The following PARD3 variants were observed in gnomAD, a reference collection of about 807,000 sequenced individuals.
PARD3 encodes the protein partitioning defective 3 homolog.
In PARD3, 75 loss-of-function variants were observed where a neutral mutation model predicts 155.4. The observed-to-expected ratio is 0.48, with a 90% CI of 0.40 to 0.58. The LOEUF (loss-of-function observed/expected upper bound fraction) is 0.58. Ranked by LOEUF, PARD3 falls within the 20% of genes least tolerant of loss-of-function variation. The pLI is 0.00. For missense variants in PARD3, 1,642 were observed against 1,721.7 expected, an observed-to-expected ratio of 0.95 and a Z score of 0.82; for synonymous variants, 576 against 610.5, an observed-to-expected ratio of 0.94 and a Z score of 0.83.
At chr10:34,713,497 C>T (rs760170850) in intron 1 of PARD3, among the ~76,000 whole-genome samples, 5 of 151,972 alleles carry the variant, frequency 3.3e-5, no homozygotes, top group Non-Finnish European at 7.4e-5. Context: ...GTGGCTCACA[C>T]CTGTAATCCC....
intron 2 of PARD3, among the ~76,000 whole-genome samples, chr10:34,566,891 T>C (rs972810519): frequency 1.3e-5 from 2 of 152,228 alleles, no homozygotes; most frequent in African/African-American, 4.8e-5. Flanking sequence ...AACACTCTTT[T>C]TTTGAATGTA....
chr10:34,737,134 C>T (rs1259698691), intron 1 of PARD3, among the ~76,000 whole-genome samples: 3 of 152,118 alleles, frequency 2.0e-5, no homozygotes, highest in South Asian at 2.1e-4. Flanking sequence ...GAAAGGGGGA[C>T]GGAGAGAAGC....
intron 1 of PARD3, among the ~76,000 whole-genome samples, chr10:34,731,275 T>A (rs2094812414): frequency 6.6e-6 from 1 of 152,240 alleles, no homozygotes; most frequent in African/African-American, 2.4e-5. Context: ...AGAAAATGTA[T>A]TCTGATATGA....
At chr10:34,551,902 G>A (rs1432799062) in intron 2 of PARD3, among the ~76,000 whole-genome samples, 1 of 152,198 alleles carries the variant, frequency 6.6e-6, no homozygotes, top group African/African-American at 2.4e-5. Context: ...AAATCTCATA[G>A]ACTGGAGTAG....
chr10:34,151,586 T>C (rs1305075702), intron 22 of PARD3, among the ~76,000 whole-genome samples: 1 of 152,176 alleles, frequency 6.6e-6, no homozygotes. Context: ...ACACTCAAAT[T>C]CAATCCATAA....
At chr10:34,309,603 T>TG (rs1488934095) in intron 20 of PARD3, among the ~76,000 whole-genome samples, 6 of 128,364 alleles carry the variant, frequency 4.7e-5, no homozygotes, top group Non-Finnish European at 8.1e-5. Flanking sequence ...ATGGATCAGA[T>TG]GGATTTAGAA....
At chr10:34,239,286 C>T (rs146650616) in intron 22 of PARD3, among the ~76,000 whole-genome samples, 16 of 152,318 alleles carry the variant, frequency 1.1e-4, no homozygotes, top group Middle Eastern at 3.4e-3. Context: ...GAGAACAGCT[C>T]TAGGCACGGT....
At chr10:34,174,082 G>A (rs529960752) in intron 22 of PARD3, among the ~76,000 whole-genome samples, 8 of 152,258 alleles carry the variant, frequency 5.3e-5, no homozygotes, top group South Asian at 4.1e-4. Context: ...TGGATGGACC[G>A]TTAAACCTCT....
At chr10:34,641,320 C>T (rs189502067) in intron 2 of PARD3, among the ~76,000 whole-genome samples, 9 of 152,336 alleles carry the variant, frequency 5.9e-5, no homozygotes, top group South Asian at 2.1e-4. Context: ...TTCTCCCTCC[C>T]GGCACCTGCC....
chr10:34,170,398 C>T (rs748104), intron 22 of PARD3, among the ~76,000 whole-genome samples: 66,158 of 152,084 alleles, frequency 0.44, 14,966 homozygotes, highest in Non-Finnish European at 0.5. Flanking sequence ...TAGGAAACTT[C>T]TTCAGTCATG....
rs1481839074 is a variant in PARD3 at position 34,341,762 on chromosome 10, A to G, written c.2273T>C (p.Ile758Thr). 1.2e-6 allele frequency: 2 copies of G among 1,613,642 alleles called. No homozygotes were observed. The highest frequency in any genetic ancestry group is 1.7e-6 in the Non-Finnish European group (2 of 1,179,564). The stretch of plus-strand genomic sequence containing the variant: ...AAGCACTGGCAACCTGTCATCTTCT[A>G]TAATGACAGTGTCATCTTGGGGCAT... ...VNMPQDDTVI[I>T]EDDRLPVLPP... is the part of the protein sequence containing the mutation. The change falls in exon 16 of 25, where the codon ATA becomes ACA. Residue 758 changes from isoleucine (I) to threonine (T), a missense_variant. Around this residue, in one of 3 missense-constraint regions of PARD3, gnomAD observed 1,529 missense variants for 1,587.3 expected, o/e 0.96. Coordinates refer to ENST00000374788, the MANE Select transcript of PARD3 (RefSeq NM_001184785.2).
At chr10:34,334,346 C>CAA (rs34205005) in intron 18 of PARD3, among the ~76,000 whole-genome samples, 32 of 95,044 alleles carry the variant, frequency 3.4e-4, no homozygotes, top group Non-Finnish European at 4.4e-4. Context: ...TCCCTCTTGC[C>CAA]AAAAAAAAAA....
chr10:34,811,289 C>A (rs1014938038), intron 1 of PARD3, among the ~76,000 whole-genome samples: 7 of 152,196 alleles, frequency 4.6e-5, no homozygotes, highest in Admixed American at 2.6e-4. Context: ...TCAGTTTGAT[C>A]CTGACCCCCT....
chr10:34,742,924 G>C (rs1175814288), intron 1 of PARD3, among the ~76,000 whole-genome samples: 1 of 152,120 alleles, frequency 6.6e-6, no homozygotes, highest in Non-Finnish European at 1.5e-5. Context: ...CTGAAAGCAG[G>C]AGCTTCGGAG....
At chr10:34,221,497 C>T (rs1952290555) in intron 22 of PARD3, among the ~76,000 whole-genome samples, 1 of 150,708 alleles carries the variant, frequency 6.6e-6, no homozygotes, top group Non-Finnish European at 1.5e-5. Flanking sequence ...TTAGCATATG[C>T]ATGACCTCAC....
At chr10:34,305,474 ACTT>A (rs1957358392) in intron 20 of PARD3, among the ~76,000 whole-genome samples, 1 of 152,194 alleles carries the variant, frequency 6.6e-6, no homozygotes, top group Non-Finnish European at 1.5e-5. Context: ...ACCAGTTTTG[ACTT>A]CTTTAGAAAC....
intron 22 of PARD3, among the ~76,000 whole-genome samples, chr10:34,132,580 G>A (rs1403922015): frequency 6.6e-6 from 1 of 152,154 alleles, no homozygotes; most frequent in Non-Finnish European, 1.5e-5. Context: ...AGAGATTGAT[G>A]ACCAAAATTA....
intron 15 of PARD3, chr10:34,344,320 T>C (rs1370034074): frequency 2.1e-6 from 2 of 963,288 alleles, no homozygotes; most frequent in Non-Finnish European, 2.5e-6. Context: ...TCTCACTCTG[T>C]TGCCCAGGCT....
Position 34,288,562 on chromosome 10 carries a change from G to A in PARD3, c.3066-4317C>T, listed in dbSNP as rs80237164. 5.9e-5 allele frequency among the ~76,000 whole-genome samples: 9 copies of A among 152,286 alleles called. No individual in the cohort carries two copies. In the East Asian group the frequency reaches 1.7e-3, roughly 29 times the overall value. On this transcript the variant is annotated intron_variant, in intron 20 of 24. Coordinates refer to ENST00000374788, the MANE Select transcript of PARD3 (RefSeq NM_001184785.2). ...GCTTAATTCCTGAAAAGGGGAGGGA[G>A]TCATTGAAAAATTTCACCTATACAT... is the stretch of plus-strand genomic sequence containing the variant.
Sources: gnomAD v4.1 joint callset for allele counts (sites outside exome capture counted in the v4.1 genomes callset) on GRCh38, gnomAD v4.1.1 for gene constraint, gnomAD v4.1.1 regional missense constraint, MANE v1.5 for transcripts, NCBI Gene and HGNC (gene_info 2026-07-23, HGNC 2026-07-21) for gene names.